The following RAPGEF2 variants were observed in gnomAD, a reference collection of about 807,000 sequenced individuals.
RAPGEF2 encodes PDZ domain containing guanine nucleotide exchange factor (GEF) 1.
RAPGEF2 carries 54 observed loss-of-function variants against 186.7 expected under a neutral mutation model. That is an observed-to-expected ratio of 0.29 (90% CI 0.23 to 0.36). The LOEUF (loss-of-function observed/expected upper bound fraction) is 0.36, where lower values mean the gene tolerates loss of function less well. RAPGEF2 is among the 10% of genes least tolerant of loss of function. The pLI, the probability that RAPGEF2 is intolerant of heterozygous loss-of-function variation, is 1.00. For synonymous variants in RAPGEF2, 712 were observed against 705.9 expected (o/e 1.01, Z -0.14); for missense variants, 1,532 against 2,045.0 (o/e 0.75, Z 4.84).
chr4:159,119,118 A>G (rs1739381959), intron 1 of RAPGEF2, among the ~76,000 whole-genome samples: 1 of 152,198 alleles, frequency 6.6e-6, no homozygotes, highest in South Asian at 2.1e-4. Context: ...AACTGCAGAT[A>G]TAGGGGTTAA....
intron 7 of RAPGEF2, among the ~76,000 whole-genome samples, chr4:159,290,077 A>G (rs1306976302): frequency 6.6e-6 from 1 of 152,128 alleles, no homozygotes; most frequent in African/African-American, 2.4e-5. Context: ...ATCGTGTTTT[A>G]AAAGTTTACT....
chr4:159,298,705 C>G (rs1177010728), intron 7 of RAPGEF2, among the ~76,000 whole-genome samples: 2 of 152,142 alleles, frequency 1.3e-5, no homozygotes, highest in Non-Finnish European at 2.9e-5. Flanking sequence ...AAGATCGTGT[C>G]TATAGCTGGG....
intron 17 of RAPGEF2, 125 bp from the exon 18 acceptor site, chr4:159,338,186 A>T: frequency 1.3e-6 from 1 of 741,510 alleles, no homozygotes; most frequent in Non-Finnish European, 2.1e-6. Context: ...CAAATTTATT[A>T]ATGGTGTTTT....
At chr4:159,339,954 C>T (rs539542818) in intron 19 of RAPGEF2, among the ~76,000 whole-genome samples, 11 of 152,254 alleles carry the variant, frequency 7.2e-5, no homozygotes, top group African/African-American at 2.6e-4. Flanking sequence ...TTATATCACA[C>T]GTTACTTGCA....
At chr4:159,192,546 A>G (rs1748227099) in intron 2 of RAPGEF2, among the ~76,000 whole-genome samples, 1 of 152,226 alleles carries the variant, frequency 6.6e-6, no homozygotes, top group African/African-American at 2.4e-5. Flanking sequence ...TAATTGACTT[A>G]ATATAATAGG....
rs377123398 is a variant in RAPGEF2 at position 159,130,125 on chromosome 4, C to A, written c.69+25894C>A. ...GGGAGTGTCTTTTAGCAATCTAATGCATTATAATTAATGAATAATGAACAG... is the reference window on the plus strand; with the variant it reads ...GGGAGTGTCTTTTAGCAATCTAATGAATTATAATTAATGAATAATGAACAG... On this transcript the variant is annotated intron_variant, in intron 1 of 29. Coordinates refer to ENST00000691494, the MANE Select transcript of RAPGEF2 (RefSeq NM_001394067.2). 3.2e-4 allele frequency among the ~76,000 whole-genome samples: 49 copies of A among 152,264 alleles called. No individual in the cohort carries two copies. The East Asian group carries it at 8.9e-3, about 28-fold the overall frequency.
At chr4:159,351,153 T>C (rs768834954) in intron 26 of RAPGEF2, 1 of 1,535,476 alleles carries the variant, frequency 6.5e-7, no homozygotes, top group South Asian at 1.2e-5. Flanking sequence ...GTAACAAGAA[T>C]AACAATGCAC....
intron 1 of RAPGEF2, among the ~76,000 whole-genome samples, chr4:159,164,717 G>C (rs1421948859): frequency 6.6e-6 from 1 of 152,108 alleles, no homozygotes; most frequent in Non-Finnish European, 1.5e-5. Flanking sequence ...GAAACAGTAA[G>C]CTTGAAACTG....
At chr4:159,115,723 G>C (rs902267863) in intron 1 of RAPGEF2, among the ~76,000 whole-genome samples, 1 of 152,074 alleles carries the variant, frequency 6.6e-6, no homozygotes, top group African/African-American at 2.4e-5. Flanking sequence ...CATGGTACTG[G>C]TACAAAAACA....
chr4:159,358,090 T>G, intron 29 of RAPGEF2, 24 bp from the exon 30 acceptor site: 1 of 1,609,738 alleles, frequency 6.2e-7, no homozygotes. Context: ...ATTGATTTCT[T>G]TTTCTTCCCT....
At chr4:159,210,113 G>A (rs1317630591) in intron 3 of RAPGEF2, among the ~76,000 whole-genome samples, 3 of 152,160 alleles carry the variant, frequency 2.0e-5, no homozygotes, top group Non-Finnish European at 4.4e-5. Flanking sequence ...AAATAGTGGA[G>A]AAATGTGAGA....
chr4:159,295,717 G>T (rs1464471805), intron 7 of RAPGEF2, among the ~76,000 whole-genome samples: 1 of 91,360 alleles, frequency 1.1e-5, no homozygotes. Flanking sequence ...GAGAGAGTGT[G>T]TGAGTGTGTG....
intron 1 of RAPGEF2, among the ~76,000 whole-genome samples, chr4:159,150,042 CAGT>C (rs1350837025): frequency 3.3e-5 from 5 of 152,144 alleles, no homozygotes; most frequent in Admixed American, 2.6e-4. Context: ...TCGCAAATCC[CAGT>C]AGAAGGTTCA....
chr4:159,154,165 T>C (rs1743859214), intron 1 of RAPGEF2, among the ~76,000 whole-genome samples: 1 of 152,202 alleles, frequency 6.6e-6, no homozygotes, highest in Non-Finnish European at 1.5e-5. Context: ...AATGTAATTT[T>C]AAGTAAATGA....
In RAPGEF2 at chr4:159,195,887, T is replaced by TG. The variant is rs1276350535; in HGVS notation, c.197+2631_197+2632insG. 3.3e-3 allele frequency among the ~76,000 whole-genome samples: 477 copies of TG among 145,504 alleles called. 6 individuals are homozygous for TG. Among genetic ancestry groups the TG allele is most frequent in the South Asian group, 0.019 (85 of 4,490 alleles). On this transcript the variant is annotated intron_variant, in intron 3 of 29. Transcript: ENST00000691494. ...TTCAAACATACCTGTTTTTTTTTTT[T>TG]TTTTTTTTTTTTTTTTTCCCCAAGT...
chr4:159,346,705 C>A, intron 24 of RAPGEF2, 84 bp from the exon 25 acceptor site: 2 of 1,157,746 alleles, frequency 1.7e-6, no homozygotes, highest in Non-Finnish European at 2.5e-6. Flanking sequence ...GCAGAAAATG[C>A]TCACACAGTT....
chr4:159,218,360 T>C (rs906889136), intron 4 of RAPGEF2, among the ~76,000 whole-genome samples: 7 of 152,240 alleles, frequency 4.6e-5, no homozygotes, highest in African/African-American at 1.7e-4. Flanking sequence ...ACTGGTCTTA[T>C]ATACCCTTTC....
At chr4:159,178,027 C>G (rs1331655097) in intron 1 of RAPGEF2, among the ~76,000 whole-genome samples, 1 of 152,214 alleles carries the variant, frequency 6.6e-6, no homozygotes, top group Non-Finnish European at 1.5e-5. Context: ...ACTTAGGCCT[C>G]AACCTCCATA....
At chr4:159,321,589 A>G (rs1228161108) in intron 9 of RAPGEF2, among the ~76,000 whole-genome samples, 1 of 152,162 alleles carries the variant, frequency 6.6e-6, no homozygotes, top group African/African-American at 2.4e-5. Flanking sequence ...CACTTCACAG[A>G]GCCATGGTGA....
Sources: gnomAD v4.1 joint callset for allele counts (sites outside exome capture counted in the v4.1 genomes callset) on GRCh38, gnomAD v4.1.1 for gene constraint, MANE v1.5 for transcripts, NCBI Gene and HGNC (gene_info 2026-07-23, HGNC 2026-07-21) for gene names.